SHLD1: variants seen among roughly 807,000 people sequenced by gnomAD.
SHLD1 encodes the protein RINN1-REV7-interacting novel NHEJ regulator 3.
In SHLD1, 3 loss-of-function variants were observed where a neutral mutation model predicts 5.5. The observed-to-expected ratio is 0.54, with a 90% CI of 0.25 to 1.40. The LOEUF is 1.40. Among genes scored for constraint, SHLD1 ranks in the 40% most tolerant of loss-of-function variants. SHLD1 has a pLI of 0.15. For synonymous variants in SHLD1, 92 were observed against 94.3 expected, an observed-to-expected ratio of 0.98 and a Z score of 0.14; for missense variants, 210 against 244.4, an observed-to-expected ratio of 0.86 and a Z score of 0.94.
intron 2 of SHLD1, among the ~76,000 whole-genome samples, chr20:5,836,732 G>A (rs1346243197): frequency 6.6e-6 from 1 of 152,106 alleles, no homozygotes; most frequent in South Asian, 2.1e-4. Context: ...AAACAGTTCA[G>A]TCATCCTATA....
intron 2 of SHLD1, among the ~76,000 whole-genome samples, chr20:5,774,694 C>T (rs1985346802): frequency 6.6e-6 from 1 of 152,148 alleles, no homozygotes; most frequent in Non-Finnish European, 1.5e-5. Context: ...CATGGGAACT[C>T]AGCACCAAGG....
At chr20:5,804,464 C>T (rs754753756) in intron 2 of SHLD1, among the ~76,000 whole-genome samples, 1 of 151,598 alleles carries the variant, frequency 6.6e-6, no homozygotes, top group Non-Finnish European at 1.5e-5. Flanking sequence ...TTTACATGAC[C>T]TTGTGGCACC....
In SHLD1 at chr20:5,818,826, A is replaced by G. The variant is rs113374452; in HGVS notation, c.179-44198A>G. Among the ~76,000 whole-genome samples, 567 of 152,182 alleles carry G rather than the reference A, an allele frequency of 3.7e-3. 2 individuals are homozygous for G. Among genetic ancestry groups the G allele is most frequent in the African/African-American group, 0.013 (546 of 41,508 alleles). On this transcript the variant is annotated intron_variant, in intron 2 of 2. Coordinates refer to ENST00000303142, the MANE Select transcript of SHLD1 (RefSeq NM_152504.4). The stretch of plus-strand genomic sequence containing the variant: ...TGGGGTGACTCCAGGGCTCAATCTG[A>G]TTGGATCCTGGATCCTGCCATGCAG...
chr20:5,823,266 C>T (rs1253515902), intron 2 of SHLD1, among the ~76,000 whole-genome samples: 1 of 151,964 alleles, frequency 6.6e-6, no homozygotes, highest in Non-Finnish European at 1.5e-5. Context: ...GACCTCAGGC[C>T]TCAGGCCTCT....
At chr20:5,803,207 C>G (rs951395500) in intron 2 of SHLD1, among the ~76,000 whole-genome samples, 2 of 151,418 alleles carry the variant, frequency 1.3e-5, no homozygotes, top group Admixed American at 6.6e-5. Flanking sequence ...GCTCTGTTAC[C>G]CAGGTTAGAG....
chr20:5,791,954 G>A (rs6053702), intron 2 of SHLD1, among the ~76,000 whole-genome samples: 44,603 of 151,922 alleles, frequency 0.29, 6,524 homozygotes, highest in Middle Eastern at 0.35. Flanking sequence ...CTGATGATTG[G>A]TAACGTTGAA....
chr20:5,862,069 T>A (rs1592281), intron 2 of SHLD1, among the ~76,000 whole-genome samples: 110,420 of 151,992 alleles, frequency 0.73, 40,279 homozygotes, highest in African/African-American at 0.79. Flanking sequence ...TAAGGATCCT[T>A]TCAGATTAGG....
intron 2 of SHLD1, among the ~76,000 whole-genome samples, chr20:5,840,451 A>G (rs2087844140): frequency 6.6e-6 from 1 of 152,168 alleles, no homozygotes; most frequent in Admixed American, 6.6e-5. Context: ...GTGTGGGATG[A>G]GAGATGGGAC....
At chr20:5,836,994 G>A (rs237100) in intron 2 of SHLD1, among the ~76,000 whole-genome samples, 65,233 of 152,036 alleles carry the variant, frequency 0.43, 16,447 homozygotes, top group African/African-American at 0.7. Context: ...GGCAGAGGAA[G>A]GCATCCTAGA....
chr20:5,764,210 TGTG>T (rs1466464855), intron 1 of SHLD1, among the ~76,000 whole-genome samples: 1 of 24,756 alleles, frequency 4.0e-5, no homozygotes, highest in African/African-American at 1.8e-4. Context: ...TATATATATT[TGTG>T]TGTGTGTATA....
chr20:5,754,782 G>A lies in SHLD1; in HGVS notation c.-5+4303G>A, dbSNP rs1047576871. Among the ~76,000 whole-genome samples the A allele has an allele frequency of 1.2e-4, 19 of 152,308 alleles. No individual in the cohort carries two copies. In the East Asian group the frequency reaches 2.5e-3, roughly 20 times the overall value. ...AAGAAATGCTTGAGTTGGGCCGGGC[G>A]TGGTGGCTCACGCCTGTAATGCCAG... On this transcript the variant is annotated intron_variant, in intron 1 of 2. Transcript: ENST00000303142.
intron 2 of SHLD1, among the ~76,000 whole-genome samples, chr20:5,789,820 T>C (rs1417481077): frequency 1.3e-5 from 2 of 152,042 alleles, no homozygotes; most frequent in Non-Finnish European, 2.9e-5. Flanking sequence ...CCTACCCAAC[T>C]GAAGAAGGTG....
chr20:5,774,611 G>A (rs536604718), intron 2 of SHLD1, among the ~76,000 whole-genome samples: 66 of 152,256 alleles, frequency 4.3e-4, no homozygotes, highest in Non-Finnish European at 8.2e-4. Context: ...GGGGAAGCTG[G>A]CACTTCACAT....
At chr20:5,860,471 A>G (rs1436688196) in intron 2 of SHLD1, among the ~76,000 whole-genome samples, 7 of 152,308 alleles carry the variant, frequency 4.6e-5, no homozygotes, top group Non-Finnish European at 8.8e-5. Context: ...AAACAATAAA[A>G]TCATCAAAAT....
At chr20:5,784,833 C>T (rs1016830164) in intron 2 of SHLD1, among the ~76,000 whole-genome samples, 4 of 152,250 alleles carry the variant, frequency 2.6e-5, no homozygotes, top group East Asian at 1.9e-4. Context: ...TTCAAGGGCA[C>T]GTGCTATGGG....
At chr20:5,817,420 CTCTCTCTCTCTCTGTGTGTGTG>C (rs2087545998) in intron 2 of SHLD1, among the ~76,000 whole-genome samples, 1 of 131,438 alleles carries the variant, frequency 7.6e-6, no homozygotes, top group Non-Finnish European at 1.5e-5. Context: ...CTCTCTCTCT[CTCTCTCTCTCTCTGTGTGTGTG>C]TGTGTGTGTG....
chr20:5,813,489 T>C (rs966515285), intron 2 of SHLD1, among the ~76,000 whole-genome samples: 11 of 152,056 alleles, frequency 7.2e-5, no homozygotes, highest in Non-Finnish European at 1.3e-4. Context: ...ACTATGTCTC[T>C]AAATAAATAA....
Position 5,863,666 on chromosome 20 carries a change from C to T in SHLD1, c.*203C>T, listed in dbSNP as rs376423049. 1.7e-4 allele frequency: 92 copies of T among 533,562 alleles called. No individual in the cohort carries two copies. The South Asian group carries it at 2.9e-3, about 17-fold the overall frequency. The allele number at this position is 533,562 out of a possible 1,614,324, so 33.1% of individuals were successfully genotyped here. On this transcript the variant is annotated 3_prime_UTR_variant, in exon 3 of 3. Transcript: ENST00000303142. ...GGAGAGCCAGCAGGGTCTGGGAGTT[C>T]TCCGTCCTCTTGGCCAAGGCCGCTG...
intron 2 of SHLD1, among the ~76,000 whole-genome samples, chr20:5,860,876 TAAAAAAAAAAAAAAAAAAAAAAAAAA>T (rs10555301): frequency 3.0e-5 from 3 of 100,788 alleles, no homozygotes; most frequent in African/African-American, 1.1e-4. Context: ...TACTATTCTT[TAAAAAAAAAAAAAAAAAAAAAAAAAA>T]AAAAAAAAAG....
Sources: gnomAD v4.1 joint callset for allele counts (sites outside exome capture counted in the v4.1 genomes callset) on GRCh38, gnomAD v4.1.1 for gene constraint, MANE v1.5 for transcripts, NCBI Gene and HGNC (gene_info 2026-07-23, HGNC 2026-07-21) for gene names.